CSMD1: variants seen among roughly 807,000 people sequenced by gnomAD.
The protein encoded by CSMD1 is CUB and sushi domain-containing protein 1.
Under a neutral mutation model 417.5 loss-of-function variants are expected in CSMD1, and 213 were observed. That is an observed-to-expected ratio of 0.51 (90% CI 0.46 to 0.57). The LOEUF is 0.57. CSMD1 is among the 20% of genes least tolerant of loss of function. CSMD1 has a pLI of 0.00. For synonymous variants in CSMD1, 2,862 were observed against 1,736.8 expected (o/e 1.65, Z -16.11); for missense variants, 6,923 against 4,529.7 (o/e 1.53, Z -15.17).
At chr8:3,682,428 G>A (rs1056256390) in intron 7 of CSMD1, among the ~76,000 whole-genome samples, 6 of 152,054 alleles carry the variant, frequency 3.9e-5, no homozygotes, top group Admixed American at 2.6e-4. Context: ...GCAGCCAACA[G>A]ACACATGAAA....
At chr8:4,959,717 TG>T in intron 1 of CSMD1, among the ~76,000 whole-genome samples, 1 of 152,354 alleles carries the variant, frequency 6.6e-6, no homozygotes, top group East Asian at 1.9e-4. Context: ...GTTCACGGAA[TG>T]TCAAAATCCT....
At chr8:3,361,956 T>C (rs975135450) in intron 20 of CSMD1, among the ~76,000 whole-genome samples, 7 of 152,154 alleles carry the variant, frequency 4.6e-5, no homozygotes, top group African/African-American at 1.4e-4. Context: ...TTATACAAAG[T>C]ATATTTGCAA....
chr8:4,279,684 C>G (rs896311341), intron 3 of CSMD1, among the ~76,000 whole-genome samples: 24 of 152,146 alleles, frequency 1.6e-4, no homozygotes, highest in African/African-American at 5.1e-4. Flanking sequence ...AATTAGCCAA[C>G]TTTGAATGTG....
At chr8:4,987,386 T>G (rs1811234139) in intron 1 of CSMD1, among the ~76,000 whole-genome samples, 2 of 152,216 alleles carry the variant, frequency 1.3e-5, no homozygotes, top group Non-Finnish European at 1.5e-5. Flanking sequence ...AGAGGGTTGC[T>G]GCAACACTTT....
chr8:3,637,757 G>C (rs549340123), intron 7 of CSMD1, among the ~76,000 whole-genome samples: 2 of 152,286 alleles, frequency 1.3e-5, no homozygotes, highest in Admixed American at 1.3e-4. Context: ...ATCTCATCTT[G>C]AATTGTAGCT....
At chr8:3,422,370 G>C (rs1563372901) in intron 12 of CSMD1, among the ~76,000 whole-genome samples, 1 of 152,120 alleles carries the variant, frequency 6.6e-6, no homozygotes, top group Non-Finnish European at 1.5e-5. Flanking sequence ...GAGGAACCAA[G>C]AATCTTGGAT....
chr8:3,284,660 T>C (rs968262369), intron 25 of CSMD1: 22 of 301,034 alleles, frequency 7.3e-5, no homozygotes, highest in African/African-American at 4.3e-4. Flanking sequence ...AATTTAAGCT[T>C]TCTACGGCAC....
intron 10 of CSMD1, among the ~76,000 whole-genome samples, chr8:3,558,851 T>G (rs1226678343): frequency 6.6e-6 from 1 of 152,128 alleles, no homozygotes; most frequent in Non-Finnish European, 1.5e-5. Flanking sequence ...GGTGTCTCAG[T>G]AGTACCCCAT....
intron 5 of CSMD1, among the ~76,000 whole-genome samples, chr8:3,940,810 A>T (rs991888852): frequency 6.6e-6 from 1 of 151,854 alleles, no homozygotes; most frequent in Non-Finnish European, 1.5e-5. Flanking sequence ...ACTATAACAA[A>T]TATCTTAAAA....
At chr8:3,466,313 C>G (rs922387660) in intron 12 of CSMD1, among the ~76,000 whole-genome samples, 1 of 152,060 alleles carries the variant, frequency 6.6e-6, no homozygotes, top group African/African-American at 2.4e-5. Flanking sequence ...GCTCCAGAGC[C>G]TGTGTTCCTA....
At chr8:4,002,984 T>C (rs937283680) in intron 4 of CSMD1, among the ~76,000 whole-genome samples, 4 of 152,038 alleles carry the variant, frequency 2.6e-5, no homozygotes, top group African/African-American at 4.8e-5. Flanking sequence ...TAAACCAATC[T>C]ACCTGTTTAA....
chr8:4,313,311 T>C (rs1165525638), intron 3 of CSMD1, among the ~76,000 whole-genome samples: 1 of 152,042 alleles, frequency 6.6e-6, no homozygotes, highest in East Asian at 1.9e-4. Flanking sequence ...AATAGCTAGC[T>C]GAGTCCCTAG....
At position 4,106,983 on chromosome 8, in the gene CSMD1, G is replaced by T. The variant is rs917487347; in HGVS notation, c.416-74884C>A. ...GAAGCTCTACGTCAGAGACTCAGCA[G>T]ATGGGCCTTAGACAACACTAACAGG... On this transcript the variant is annotated intron_variant, in intron 3 of 69. Transcript: ENST00000635120. Among the ~76,000 whole-genome samples, 7 of 152,208 alleles carry T rather than the reference G, an allele frequency of 4.6e-5. 1 individual carries two copies. In the East Asian group the frequency reaches 1.3e-3, roughly 29 times the overall value.
chr8:4,908,003 T>C (rs1032105538), intron 1 of CSMD1, among the ~76,000 whole-genome samples: 6 of 151,718 alleles, frequency 4.0e-5, no homozygotes, highest in South Asian at 2.1e-4. Flanking sequence ...CATCTGGGAA[T>C]TATTACTTTT....
intron 2 of CSMD1, among the ~76,000 whole-genome samples, chr8:4,438,304 G>T (rs1798262593): frequency 6.6e-6 from 1 of 152,192 alleles, no homozygotes; most frequent in African/African-American, 2.4e-5. Context: ...GCTCATGGAG[G>T]TGGTGTCTGA....
intron 37 of CSMD1, among the ~76,000 whole-genome samples, chr8:3,166,982 C>T (rs111805761): frequency 0.092 from 14,005 of 152,178 alleles, 897 homozygotes; most frequent in African/African-American, 0.18. Context: ...TGAAGCAATG[C>T]TTCTTTAAAA....
In CSMD1 at chr8:2,978,693, T is replaced by C; in HGVS notation, c.8485A>G (p.Lys2829Glu). 6 of 1,612,272 alleles carry C rather than the reference T, an allele frequency of 3.7e-6. No homozygotes were observed. The highest frequency in any genetic ancestry group is 5.1e-6 in the Non-Finnish European group (6 of 1,179,120). ...GAAGATCCCAGCAAGTAAAATCCCTTCTTGCAATGGTACAGGATACTCATT... is the reference window on the plus strand; with the variant it reads ...GAAGATCCCAGCAAGTAAAATCCCTCCTTGCAATGGTACAGGATACTCATT... ...YGMSILYHCKKGFYLLGSSAL... is the reference protein window; with the variant it reads ...YGMSILYHCKEGFYLLGSSAL... Residue 2829 changes from lysine (K) to glutamate (E), a missense_variant, in exon 55 of 70, where the codon AAG becomes GAG. By Grantham distance (56) the Lys-to-Glu change is moderately conservative (BLOSUM62 1). Coordinates refer to ENST00000635120, the MANE Select transcript of CSMD1 (RefSeq NM_033225.6).
intron 2 of CSMD1, among the ~76,000 whole-genome samples, chr8:4,477,108 C>A: frequency 6.6e-6 from 1 of 152,204 alleles, no homozygotes; most frequent in East Asian, 1.9e-4. Context: ...TCCTTCCCAC[C>A]ACCTGTCTCT....
chr8:3,078,597 C>A (rs1479672379), intron 49 of CSMD1, among the ~76,000 whole-genome samples: 1 of 152,152 alleles, frequency 6.6e-6, no homozygotes, highest in Non-Finnish European at 1.5e-5. Flanking sequence ...TTTTTATACA[C>A]AAGCTAAAAA....
Sources: gnomAD v4.1 joint callset for allele counts (sites outside exome capture counted in the v4.1 genomes callset) on GRCh38, gnomAD v4.1.1 for gene constraint, MANE v1.5 for transcripts, NCBI Gene and HGNC (gene_info 2026-07-23, HGNC 2026-07-21) for gene names.